USP7: variants seen among roughly 807,000 people sequenced by gnomAD.
The protein encoded by USP7 is ubiquitin C-terminal hydrolase 7.
USP7 carries 9 observed loss-of-function variants against 162.9 expected under a neutral mutation model. The observed-to-expected ratio is 0.06, with a 90% CI of 0.03 to 0.10. USP7 has a LOEUF of 0.10. Among genes scored for constraint, USP7 ranks in the 10% least tolerant of loss-of-function variants. USP7 has a pLI of 1.00. For missense variants in USP7, 715 were observed against 1,373.7 expected (o/e 0.52, Z 7.58); for synonymous variants, 562 against 475.9 (o/e 1.18, Z -2.35).
intron 1 of USP7, among the ~76,000 whole-genome samples, chr16:8,941,936 G>A (rs1001383796): frequency 7.2e-5 from 11 of 152,208 alleles, no homozygotes; most frequent in Non-Finnish European, 4.4e-5. Flanking sequence ...GAGGGCAAAC[G>A]CACACAGTGA....
At chr16:8,911,463 T>C (rs1442308145) in intron 10 of USP7, among the ~76,000 whole-genome samples, 4 of 152,170 alleles carry the variant, frequency 2.6e-5, no homozygotes, top group Admixed American at 1.3e-4. Context: ...CAACACGGAA[T>C]TGTATATCCA....
chr16:8,901,104 C>G (rs917368377), intron 19 of USP7, 38 bp downstream of exon 19: 1 of 1,612,196 alleles, frequency 6.2e-7, no homozygotes, highest in East Asian at 2.2e-5. Context: ...ATGTACTGAG[C>G]AAAATCTACT....
chr16:8,907,243 CT>C (rs1215033306), intron 12 of USP7, among the ~76,000 whole-genome samples: 4 of 152,206 alleles, frequency 2.6e-5, no homozygotes, highest in Admixed American at 2.6e-4. Context: ...CTGCCACTGG[CT>C]CCAACAAAAA....
intron 14 of USP7, among the ~76,000 whole-genome samples, chr16:8,904,921 G>A (rs546930260): frequency 6.6e-6 from 1 of 152,138 alleles, no homozygotes; most frequent in African/African-American, 2.4e-5. Flanking sequence ...GCAGTGAGCC[G>A]AGATCGCGCC....
At chr16:8,941,640 G>C (rs1188512307) in intron 1 of USP7, among the ~76,000 whole-genome samples, 1 of 152,216 alleles carries the variant, frequency 6.6e-6, no homozygotes, top group Non-Finnish European at 1.5e-5. Flanking sequence ...GTACCTTGTA[G>C]CCTTGCTTGG....
intron 1 of USP7, among the ~76,000 whole-genome samples, chr16:8,940,441 G>C (rs940239366): frequency 7.2e-5 from 11 of 152,194 alleles, no homozygotes; most frequent in African/African-American, 2.4e-4. Flanking sequence ...GGTGTACTAG[G>C]AATGTCCAAG....
chr16:8,920,271 T>C, intron 5 of USP7, 88 bp downstream of exon 5: 4 of 1,110,936 alleles, frequency 3.6e-6, no homozygotes, highest in Non-Finnish European at 4.0e-6. Context: ...TGATTAAATA[T>C]GTGCATCTCT....
chr16:8,906,090 G>C (rs1760090819), intron 13 of USP7, among the ~76,000 whole-genome samples: 1 of 152,208 alleles, frequency 6.6e-6, no homozygotes, highest in Non-Finnish European at 1.5e-5. Flanking sequence ...CACGCAGAGG[G>C]ACATGCGACC....
In USP7 at chr16:8,897,704, A is replaced by C. The variant is rs1410540665; in HGVS notation, c.2719-605T>G. Among the ~76,000 whole-genome samples the C allele has an allele frequency of 1.0e-3, 40 of 38,442 alleles. 6 individuals are homozygous for C. Among genetic ancestry groups the C allele is most frequent in the South Asian group, 3.9e-3 (3 of 776 alleles). 25.2% of individuals were successfully genotyped at this position (38,442 alleles called of 152,430 possible). A position where few individuals can be genotyped will look rare whatever the true frequency, so the allele number is the denominator to read the frequency against. Reference sequence around the variant, plus strand: ...TAGTGAGACCCTGTCTCTACAAAAAAAAAAAAAAAAAAAAAAAAAAAAATA... The same window carrying C: ...TAGTGAGACCCTGTCTCTACAAAAACAAAAAAAAAAAAAAAAAAAAAAATA... On this transcript the variant is annotated intron_variant, in intron 25 of 30. Transcript: ENST00000344836.
intron 10 of USP7, 32 bp from the exon 11 acceptor site, chr16:8,910,859 T>A (rs771034365): frequency 6.4e-7 from 1 of 1,565,864 alleles, no homozygotes; most frequent in Admixed American, 1.7e-5. Flanking sequence ...AGTCAAGTGC[T>A]AAAGCTTCAT....
At chr16:8,928,220 G>A (rs1421834960) in intron 2 of USP7, among the ~76,000 whole-genome samples, 3 of 152,150 alleles carry the variant, frequency 2.0e-5, no homozygotes, top group Admixed American at 2.0e-4. Context: ...GAAGTCTTCT[G>A]TGCAAATCAG....
chr16:8,963,420 C>A lies in USP7; in HGVS notation c.-135G>T. 1 of 150,564 alleles carries A rather than the reference C, an allele frequency of 6.6e-6. No homozygotes were observed. Among genetic ancestry groups the A allele is most frequent in the South Asian group, 1.8e-4 (1 of 5,568 alleles). 9.3% of individuals were successfully genotyped at this position (150,564 alleles called of 1,614,324 possible). ...TCCTCCTCCTCCTCCCGCGCGTCGT[C>A]GGCGACGGCGGCCCCGGGGCGGCCC... On this transcript the variant is annotated 5_prime_UTR_variant, in exon 1 of 31. Transcript: ENST00000344836.
intron 1 of USP7, chr16:8,962,989 G>C: frequency 3.9e-6 from 1 of 258,334 alleles, no homozygotes; most frequent in Non-Finnish European, 7.1e-6. Context: ...GCGAGGTCGG[G>C]ACAATGCACG....
chr16:8,925,883 G>A (rs1277084980), intron 2 of USP7, among the ~76,000 whole-genome samples: 2 of 152,248 alleles, frequency 1.3e-5, no homozygotes, highest in Non-Finnish European at 2.9e-5. Flanking sequence ...GGCCAGGTGC[G>A]GTGGCTCACT....
Position 8,895,285 on chromosome 16 carries a change from A to C in USP7, c.2920-135T>G, listed in dbSNP as rs529178246. On this transcript the variant is annotated intron_variant, in intron 27 of 30. Coordinates refer to ENST00000344836, the MANE Select transcript of USP7 (RefSeq NM_003470.3). Reference sequence around the variant, plus strand: ...CTAAAAAAACGCCACACCTGGATCCAGCCAGAGTGATGGGCACTCATGGGA... The same window carrying C: ...CTAAAAAAACGCCACACCTGGATCCCGCCAGAGTGATGGGCACTCATGGGA... 58 of 1,377,218 alleles carry C rather than the reference A, an allele frequency of 4.2e-5. No homozygotes were observed. In the South Asian group the frequency reaches 7.1e-4, roughly 17 times the overall value. The allele number at this position is 1,377,218 out of a possible 1,614,324, so 85.3% of individuals were successfully genotyped here.
In USP7 at chr16:8,893,111, C is replaced by A. The variant is rs1169905582; in HGVS notation, c.*887G>T. 2 of 152,186 alleles carry A rather than the reference C, an allele frequency of 1.3e-5. No individual in the cohort carries two copies. The highest frequency in any genetic ancestry group is 4.8e-5 in the African/African-American group (2 of 41,428). The allele number at this position is 152,186 out of a possible 1,614,324, so 9.4% of individuals were successfully genotyped here. A position where few individuals can be genotyped will look rare whatever the true frequency, so the allele number is the denominator to read the frequency against. On this transcript the variant is annotated 3_prime_UTR_variant, in exon 31 of 31. Coordinates refer to ENST00000344836, the MANE Select transcript of USP7 (RefSeq NM_003470.3). The stretch of plus-strand genomic sequence containing the variant: ...ATGTTCATTCATTAAATATACAATT[C>A]ATTTTTCCTTTTTTTTTCATTTTTA...
chr16:8,897,976 A>G (rs780032891), intron 25 of USP7, among the ~76,000 whole-genome samples: 3 of 151,832 alleles, frequency 2.0e-5, no homozygotes, highest in African/African-American at 4.8e-5. Context: ...TGTCTACACT[A>G]GCAGCTTGGG....
At position 8,915,326 on chromosome 16, in the gene USP7, C is replaced by G; in HGVS notation, c.1006G>C (p.Glu336Gln). The G allele has an allele frequency of 6.2e-7, 1 of 1,613,386 alleles. No homozygotes were observed. Among genetic ancestry groups the G allele is most frequent in the Non-Finnish European group, 8.5e-7 (1 of 1,179,842 alleles). The change falls in exon 10 of 31, where the codon GAA becomes CAA. Residue 336 changes from glutamate (E) to glutamine (Q), a missense_variant. This residue lies in a region of USP7 where 15 missense variants were observed against 27.0 expected (regional missense o/e 0.56). Transcript: ENST00000344836. ...CTTCTATCAGACCGATAGTCTACTT[C>G]TTTACACTGGATATAGGACTGCAAA... ...GKMVSYIQCK[E>Q]VDYRSDRRED... is the part of the protein sequence containing the mutation.
At chr16:8,924,493 G>T (rs1160363441) in intron 2 of USP7, among the ~76,000 whole-genome samples, 2 of 152,266 alleles carry the variant, frequency 1.3e-5, no homozygotes, top group African/African-American at 4.8e-5. Flanking sequence ...TCCCGGCTTA[G>T]AATCAGGTGC....
Sources: gnomAD v4.1 joint callset for allele counts (sites outside exome capture counted in the v4.1 genomes callset) on GRCh38, gnomAD v4.1.1 for gene constraint, gnomAD v4.1.1 regional missense constraint, MANE v1.5 for transcripts, NCBI Gene and HGNC (gene_info 2026-07-23, HGNC 2026-07-21) for gene names.